ZNF786: variants seen among roughly 807,000 people sequenced by gnomAD.
The protein encoded by ZNF786 is zinc finger protein 786.
ZNF786 carries 56 observed loss-of-function variants against 63.1 expected under a neutral mutation model. The ratio of observed to expected loss-of-function variants is 0.89; its 90% confidence interval spans 0.72 to 1.11. The LOEUF (loss-of-function observed/expected upper bound fraction) is 1.11. Ranked by LOEUF, ZNF786 falls within the 50% of genes least tolerant of loss-of-function variation. The pLI is 0.00. For missense variants in ZNF786, 1,213 were observed against 1,041.8 expected, an observed-to-expected ratio of 1.16 and a Z score of -2.26; for synonymous variants, 485 against 406.9, an observed-to-expected ratio of 1.19 and a Z score of -2.31.
At chr7:149,074,279 A>AC (rs1314484410) in intron 3 of ZNF786, 107 bp downstream of exon 3, 41 of 1,279,078 alleles carry the variant, frequency 3.2e-5, no homozygotes, top group Middle Eastern at 1.9e-4. Context: ...CTAGAAGATA[A>AC]GAGTCTTCAA....
chr7:149,070,469 TTCTTAATGTCC>T lies in ZNF786; in HGVS notation c.2292_2302del (p.Asp765LysfsTer53). On this transcript the variant is annotated frameshift_variant, in exon 4 of 4. Transcript: ENST00000491431. LOFTEE classifies it high-confidence loss of function. ...CATTGCAAACAGTTGGCTGAGCCTT[TTCTTAATGTCC>T]AGTTCATTTGGAGCAGGACAGGATT... 1 of 1,614,040 alleles carries T rather than the reference TTCTTAATGTCC, an allele frequency of 6.2e-7. No individual in the cohort carries two copies. Among genetic ancestry groups the T allele is most frequent in the Admixed American group, 1.7e-5 (1 of 60,028 alleles).
In ZNF786 at chr7:149,071,770, G is replaced by C; in HGVS notation, c.1002C>G (p.Ser334Arg). Residue 334 changes from serine to arginine, a missense_variant, in exon 4 of 4, where the codon AGC becomes AGG. Physicochemically the swap from Ser to Arg is moderately radical, Grantham distance 110 (BLOSUM62 -1). Coordinates refer to ENST00000491431, the MANE Select transcript of ZNF786 (RefSeq NM_152411.4). ...ASWREGRGAS[S>R]SVHSGQKPGS... ...CTGGTTTCTGTCCCGAGTGCACACT[G>C]CTGGAGGCCCCGCGGCCTTCTCTCC... The C allele has an allele frequency of 6.3e-7, 1 of 1,583,792 alleles. No individual in the cohort carries two copies. Among genetic ancestry groups the C allele is most frequent in the Non-Finnish European group, 8.5e-7 (1 of 1,170,730 alleles).
At chr7:149,089,812 C>G (rs1045686605) in intron 1 of ZNF786, among the ~76,000 whole-genome samples, 4 of 151,856 alleles carry the variant, frequency 2.6e-5, no homozygotes, top group African/African-American at 4.8e-5. Context: ...CTCCCGGGTT[C>G]AAACAATTCT....
intron 2 of ZNF786, 91 bp downstream of exon 2, chr7:149,080,500 C>A: frequency 3.8e-6 from 5 of 1,328,666 alleles, no homozygotes; most frequent in East Asian, 5.1e-5. Context: ...TCTGAGAAAT[C>A]TTGCTACCTG....
In ZNF786 at chr7:149,080,614, T is replaced by C. The variant is rs753885482; in HGVS notation, c.122A>G (p.Asn41Ser). The change falls in exon 2 of 4, where the codon AAT becomes AGT. Residue 41 changes from asparagine to serine, a missense_variant. Transcript: ENST00000491431. The part of the protein sequence containing the change: ...KELYKHVMRS[N>S]YETLVSLDDG... ...ACCTAGAGAGACGAGAGTCTCATAATTGCTTCTCATCACATGCTTGTAAAG... is the reference window on the plus strand; with the variant it reads ...ACCTAGAGAGACGAGAGTCTCATAACTGCTTCTCATCACATGCTTGTAAAG... The C allele has an allele frequency of 1.9e-6, 3 of 1,611,684 alleles. No individual in the cohort carries two copies. Among genetic ancestry groups the C allele is most frequent in the Non-Finnish European group, 1.7e-6 (2 of 1,179,378 alleles).
Position 149,071,038 on chromosome 7 carries a change from G to C in ZNF786, c.1734C>G (p.Ser578=). The C allele has an allele frequency of 1.2e-6, 2 of 1,612,128 alleles. No individual in the cohort carries two copies. Among genetic ancestry groups the C allele is most frequent in the Non-Finnish European group, 8.5e-7 (1 of 1,179,704 alleles). Residue 578 remains serine (S), a synonymous_variant, in exon 4 of 4, where the codon TCC becomes TCG. Coordinates refer to ENST00000491431, the MANE Select transcript of ZNF786 (RefSeq NM_152411.4). ...GCACGCGCAAGTGCTCCGTGAGCTT[G>C]GATTGTCTGGTGAAGCCCTTGCCAC... ...GECGKGFTRQ[S]KLTEHLRVHS...
At position 149,074,428 on chromosome 7, in the gene ZNF786, C is replaced by A. The variant is rs780374261; in HGVS notation, c.256G>T (p.Asp86Tyr). The part of the protein sequence containing the change: ...KSGNIICSSV[D>Y]MHFDPGFEEQ... ...TCAAAACCTGGATCAAAATGCATAT[C>A]AACAGAGGAGCAAATTATGTTTCCT... The change falls in exon 3 of 4, where the codon GAT becomes TAT. Residue 86 changes from aspartate (D) to tyrosine (Y), a missense_variant. Coordinates refer to ENST00000491431, the MANE Select transcript of ZNF786 (RefSeq NM_152411.4). 1 of 1,613,778 alleles carries A rather than the reference C, an allele frequency of 6.2e-7. No homozygotes were observed. The highest frequency in any genetic ancestry group is 1.3e-5 in the African/African-American group (1 of 74,910).
chr7:149,083,352 G>A (rs186460371), intron 1 of ZNF786, among the ~76,000 whole-genome samples: 151 of 152,054 alleles, frequency 9.9e-4, no homozygotes, highest in Middle Eastern at 3.4e-3. Flanking sequence ...AAGTAGCTGG[G>A]ATTATAGGCG....
rs779419367 is a variant in ZNF786 at position 149,071,603 on chromosome 7, G to A, written c.1169C>T (p.Ala390Val). The change falls in exon 4 of 4, where the codon GCG (alanine) becomes GTG (valine). Residue 390 changes from alanine (A) to valine (V), a missense_variant. Physicochemically the swap from Ala to Val is moderately conservative, Grantham distance 64. Transcript: ENST00000491431. ...CTGGAAGGGCTTTTCTCCAGTATGCGCCCTGCAGGGGCTGGCGAGCCTGGC... is the reference window on the plus strand; with the variant it reads ...CTGGAAGGGCTTTTCTCCAGTATGCACCCTGCAGGGGCTGGCGAGCCTGGC... ...MSARLASPCRAHTGEKPFQCA... is the reference protein window; with the variant it reads ...MSARLASPCRVHTGEKPFQCA... The A allele has an allele frequency of 1.4e-5, 23 of 1,601,470 alleles. No homozygotes were observed. In the Admixed American group the frequency reaches 3.8e-4, roughly 26 times the overall value.
In ZNF786 at chr7:149,071,401, C is replaced by T; in HGVS notation, c.1371G>A (p.Lys457=). 1 of 1,613,528 alleles carries T rather than the reference C, an allele frequency of 6.2e-7. No homozygotes were observed. Among genetic ancestry groups the T allele is most frequent in the Non-Finnish European group, 8.5e-7 (1 of 1,179,820 alleles). ...HSGEKPFRCA[K]CGRNFRQRGQ... ...CCCTCTGACGGAAGTTCCTGCCACA[C>T]TTGGCACACCGGAAAGGCTTCTCTC... Residue 457 remains lysine, a synonymous_variant, in exon 4 of 4, where the codon AAG becomes AAA. Coordinates refer to ENST00000491431, the MANE Select transcript of ZNF786 (RefSeq NM_152411.4).
Position 149,090,687 on chromosome 7 carries a change from C to T in ZNF786, c.-47G>A. 2.6e-6 allele frequency: 4 copies of T among 1,563,052 alleles called. No homozygotes were observed. The highest frequency in any genetic ancestry group is 1.2e-5 in the South Asian group (1 of 85,126). On this transcript the variant is annotated 5_prime_UTR_variant, in exon 1 of 4. Coordinates refer to ENST00000491431, the MANE Select transcript of ZNF786 (RefSeq NM_152411.4). ...CCCTGGCAAACCCGACCGTCTCCGG[C>T]GGCTCCGCAGGAACCTGCCCTGCTG... is the stretch of plus-strand genomic sequence containing the variant.
chr7:149,079,366 G>A (rs1435727927), intron 2 of ZNF786, among the ~76,000 whole-genome samples: 2 of 151,336 alleles, frequency 1.3e-5, no homozygotes, highest in African/African-American at 4.8e-5. Flanking sequence ...CTGAGATCCC[G>A]CCGCTGCACT....
intron 2 of ZNF786, 47 bp from the exon 3 acceptor site, chr7:149,074,585 G>A: frequency 6.4e-7 from 1 of 1,570,620 alleles, no homozygotes; most frequent in Non-Finnish European, 8.6e-7. Context: ...TGAATTTAAA[G>A]CACACTAAGT....
At chr7:149,089,460 C>T (rs529906071) in intron 1 of ZNF786, among the ~76,000 whole-genome samples, 38 of 152,208 alleles carry the variant, frequency 2.5e-4, no homozygotes, top group Middle Eastern at 3.4e-3. Context: ...GGATTACAGG[C>T]GTCCGCCACC....
Position 149,070,175 on chromosome 7 carries a change from CACT to C in ZNF786, c.*245_*247del. On this transcript the variant is annotated 3_prime_UTR_variant, in exon 4 of 4. Transcript: ENST00000491431. Reference sequence around the variant, plus strand: ...CAATATAGCTGGGATCACGCCACTGCACTCCAGCCTGGGTGACAGAGCAAAACT... The same window carrying C: ...CAATATAGCTGGGATCACGCCACTGCCCAGCCTGGGTGACAGAGCAAAACT... The C allele has an allele frequency of 2.5e-6, 1 of 397,318 alleles. No homozygotes were observed. The highest frequency in any genetic ancestry group is 3.2e-5 in the South Asian group (1 of 31,264). 24.6% of individuals were successfully genotyped at this position (397,318 alleles called of 1,614,324 possible). A position where few individuals can be genotyped will look rare whatever the true frequency, so the allele number is the denominator to read the frequency against.
rs768717144 is a variant in ZNF786 at position 149,070,885 on chromosome 7, G to A, written c.1887C>T (p.Arg629=). ...CCTTCATGTCGGCCTTCACGCGATA[G>A]CGCTTGTCGCACTCCGGACACTGGA... ...RPFQCPECDK[R]YRVKADMKAH... is the part of the protein sequence containing the mutation. Residue 629 remains arginine (R), a synonymous_variant, in exon 4 of 4, where the codon CGC becomes CGT. Coordinates refer to ENST00000491431, the MANE Select transcript of ZNF786 (RefSeq NM_152411.4). The A allele has an allele frequency of 1.2e-6, 2 of 1,613,764 alleles. No homozygotes were observed. The highest frequency in any genetic ancestry group is 1.7e-6 in the Non-Finnish European group (2 of 1,179,994).
rs539030101 is a variant in ZNF786, at chr7:149,072,126, T to G, written c.646A>C (p.Arg216=). 3.7e-6 allele frequency: 6 copies of G among 1,613,174 alleles called. No individual in the cohort carries two copies. In the Admixed American group the frequency reaches 6.7e-5, roughly 18 times the overall value. ...CTCTTGTTGAATTTCTCCCAGGCCC[T>G]ACGTGTCCGGTCCTTTGAGTGGCCT... ...QRGHSKDRTR[R]AWEKFNKRAE... is the part of the protein sequence containing the mutation. Residue 216 remains arginine (R), a synonymous_variant, in exon 4 of 4, where the codon AGG becomes CGG. Transcript: ENST00000491431.
Position 149,071,515 on chromosome 7 carries a change from G to A in ZNF786, c.1257C>T (p.His419=). The change falls in exon 4 of 4, where the codon CAC becomes CAT. Residue 419 remains histidine, a synonymous_variant. Coordinates refer to ENST00000491431, the MANE Select transcript of ZNF786 (RefSeq NM_152411.4). ...TGCAGGAGAACGGTCTCTCCCCACC[G>A]TGCGCGTGCTGGTGGACCTGCAGCA... The part of the protein sequence containing the change: ...RRLLQVHQHA[H]GGERPFSCRK... The A allele has an allele frequency of 6.2e-7, 1 of 1,613,304 alleles. No homozygotes were observed. The highest frequency in any genetic ancestry group is 1.1e-5 in the South Asian group (1 of 91,088).
chr7:149,087,848 G>C lies in ZNF786; in HGVS notation c.18+2775C>G, dbSNP rs75449645. Among the ~76,000 whole-genome samples, 555 of 150,110 alleles carry C rather than the reference G, an allele frequency of 3.7e-3. 5 individuals carry two copies. Among genetic ancestry groups the C allele is most frequent in the African/African-American group, 0.013 (526 of 40,696 alleles). On this transcript the variant is annotated intron_variant, in intron 1 of 3. Transcript: ENST00000491431. ...TCTGTTGCCCAGGCCAGAGTGCAGT[G>C]GTGCCAACACAGCTTACCATAGCTT...
Sources: gnomAD v4.1 joint callset for allele counts (sites outside exome capture counted in the v4.1 genomes callset) on GRCh38, gnomAD v4.1.1 for gene constraint, MANE v1.5 for transcripts, NCBI Gene and HGNC (gene_info 2026-07-23, HGNC 2026-07-21) for gene names.